Variants in USP46 observed in about 807,000 individuals in gnomAD.
USP46 encodes the protein ubiquitin specific peptidase 46, also known as ubiquitin carboxyl-terminal hydrolase 46.
A neutral mutation model predicts 44.4 loss-of-function variants in USP46; 12 were observed. That is an observed-to-expected ratio of 0.27 (90% CI 0.17 to 0.44). USP46 has a LOEUF of 0.44. Ranked by LOEUF, USP46 falls within the 20% of genes least tolerant of loss-of-function variation. USP46 has a pLI of 1.00. For missense variants in USP46, 248 were observed against 444.8 expected (o/e 0.56, Z 3.98); for synonymous variants, 155 against 161.5 (o/e 0.96, Z 0.31).
chr4:52,639,529 C>T (rs990298439), intron 1 of USP46, among the ~76,000 whole-genome samples: 2 of 152,126 alleles, frequency 1.3e-5, no homozygotes, highest in South Asian at 4.1e-4. Context: ...TGGGAAAGGA[C>T]TGATCCTCCT....
At position 52,659,040 on chromosome 4, in the gene USP46, T is replaced by A; in HGVS notation, c.36+75A>T. On this transcript the variant is annotated intron_variant, in intron 1 of 8. Transcript: ENST00000441222. The surrounding 1 kb of genome is among the most constrained non-coding windows in gnomAD (Gnocchi z 4.2). Reference sequence around the variant, plus strand: ...CCCCCGCCGCCCCAGCCACCGGGCGTGTGTGCAGCTCGGGCTTCCCTTTCT... The same window carrying A: ...CCCCCGCCGCCCCAGCCACCGGGCGAGTGTGCAGCTCGGGCTTCCCTTTCT... 6.8e-7 allele frequency: 1 copy of A among 1,464,574 alleles called. No individual in the cohort carries two copies. Among genetic ancestry groups the A allele is most frequent in the Non-Finnish European group, 9.1e-7 (1 of 1,098,646 alleles). The allele number at this position is 1,464,574 out of a possible 1,614,324, so 90.7% of individuals were successfully genotyped here. A position where few individuals can be genotyped will look rare whatever the true frequency, so the allele number is the denominator to read the frequency against.
chr4:52,640,946 G>A (rs1232020589), intron 1 of USP46, among the ~76,000 whole-genome samples: 2 of 149,830 alleles, frequency 1.3e-5, no homozygotes, highest in East Asian at 3.9e-4. Context: ...TTACCACTAT[G>A]AAATGCCTTT....
chr4:52,625,889 C>G, intron 4 of USP46, 129 bp downstream of exon 4: 1 of 945,696 alleles, frequency 1.1e-6, no homozygotes, highest in East Asian at 2.7e-5. Context: ...GTTTCATATG[C>G]ATAAATAGGA....
At chr4:52,632,934 A>G (rs1018121713) in intron 1 of USP46, among the ~76,000 whole-genome samples, 1 of 67,198 alleles carries the variant, frequency 1.5e-5, no homozygotes, top group African/African-American at 7.5e-5. Flanking sequence ...GAAAGAAAGA[A>G]AGAAAGAAAG....
intron 7 of USP46, 88 bp downstream of exon 7, chr4:52,601,769 G>A (rs528126621): frequency 2.5e-5 from 34 of 1,372,662 alleles, no homozygotes; most frequent in Middle Eastern, 2.7e-4. Flanking sequence ...TGAGTGCCAC[G>A]GCCCAGGAAA....
intron 3 of USP46, among the ~76,000 whole-genome samples, chr4:52,627,042 T>C (rs1298433285): frequency 6.6e-6 from 1 of 152,186 alleles, no homozygotes; most frequent in African/African-American, 2.4e-5. Context: ...ATCTATCTGA[T>C]AGTGTTCCGA....
intron 1 of USP46, chr4:52,650,891 G>C (rs1232010373): frequency 1.3e-5 from 2 of 152,132 alleles, no homozygotes; most frequent in African/African-American, 2.4e-5. Context: ...GAGGTCAAGA[G>C]ATCAAGACCA....
At chr4:52,634,119 C>CTT (rs778051273) in intron 1 of USP46, among the ~76,000 whole-genome samples, 3 of 144,506 alleles carry the variant, frequency 2.1e-5, no homozygotes, top group Non-Finnish European at 3.1e-5. Context: ...TGTCTTTTTT[C>CTT]TTTTTTTTTT....
chr4:52,633,823 A>C lies in USP46; in HGVS notation c.37-2679T>G, dbSNP rs554871548. Among the ~76,000 whole-genome samples, 8 of 152,304 alleles carry C rather than the reference A, an allele frequency of 5.3e-5. No homozygotes were observed. In the East Asian group the frequency reaches 1.4e-3, roughly 26 times the overall value. On this transcript the variant is annotated intron_variant, in intron 1 of 8. Coordinates refer to ENST00000441222, the MANE Select transcript of USP46 (RefSeq NM_022832.4). Reference sequence around the variant, plus strand: ...ACCCAGGGGTCAGTGTTCAAGAGAAATATGCTGGAGACAGAGGCCTGGCCC... The same window carrying C: ...ACCCAGGGGTCAGTGTTCAAGAGAACTATGCTGGAGACAGAGGCCTGGCCC...
At chr4:52,610,724 T>A in intron 4 of USP46, 107 bp from the exon 5 acceptor site, 1 of 1,040,174 alleles carries the variant, frequency 9.6e-7, no homozygotes, top group Non-Finnish European at 1.4e-6. Flanking sequence ...TAACTGCAGT[T>A]AAAGTCCTGC....
chr4:52,622,382 C>G (rs1371788022), intron 4 of USP46, among the ~76,000 whole-genome samples: 2 of 152,090 alleles, frequency 1.3e-5, no homozygotes, highest in African/African-American at 4.8e-5. Flanking sequence ...TCAAGACTTA[C>G]CAGTCTAGAC....
Position 52,606,942 on chromosome 4 carries a change from T to C in USP46, c.639-2358A>G, listed in dbSNP as rs180948168. 1.2e-4 allele frequency among the ~76,000 whole-genome samples: 19 copies of C among 152,258 alleles called. No homozygotes were observed. In the East Asian group the frequency reaches 2.7e-3, roughly 22 times the overall value. ...ATTGAGTAAGTGCTGTGGAATCTTG[T>C]TTTGGCTGCATGGGATTGACTGGAG... On this transcript the variant is annotated intron_variant, in intron 5 of 8. Coordinates refer to ENST00000441222, the MANE Select transcript of USP46 (RefSeq NM_022832.4).
At position 52,593,328 on chromosome 4, in the gene USP46, C is replaced by T. The variant is rs960104265; in HGVS notation, c.*4312G>A. 2.4e-5 allele frequency: 4 copies of T among 167,056 alleles called. No homozygotes were observed. The highest frequency in any genetic ancestry group is 5.1e-5 in the Non-Finnish European group (4 of 77,878). The allele number at this position is 167,056 out of a possible 1,614,324, so 10.3% of individuals were successfully genotyped here. ...GAAGGTCTTCTCTGCCTTTGGCCTTCGTGGCAGACAGAAGTGACCTTCCCA... is the reference window on the plus strand; with the variant it reads ...GAAGGTCTTCTCTGCCTTTGGCCTTTGTGGCAGACAGAAGTGACCTTCCCA... On this transcript the variant is annotated 3_prime_UTR_variant, in exon 9 of 9. Coordinates refer to ENST00000441222, the MANE Select transcript of USP46 (RefSeq NM_022832.4).
In USP46 at chr4:52,591,463, C is replaced by T. The variant is rs563186689; in HGVS notation, c.*6177G>A. 6.6e-6 allele frequency: 1 copy of T among 152,352 alleles called. No homozygotes were observed. Among genetic ancestry groups the T allele is most frequent in the South Asian group, 2.1e-4 (1 of 4,828 alleles). 9.4% of individuals were successfully genotyped at this position (152,352 alleles called of 1,614,324 possible). On this transcript the variant is annotated 3_prime_UTR_variant, in exon 9 of 9. Transcript: ENST00000441222. ...AGAAGAGCTTCTGTAGAATTCCACACTGCCTTAAGCACAACCTCACTCTTT... is the reference window on the plus strand; with the variant it reads ...AGAAGAGCTTCTGTAGAATTCCACATTGCCTTAAGCACAACCTCACTCTTT...
chr4:52,618,634 G>A (rs755084877), intron 4 of USP46, among the ~76,000 whole-genome samples: 13 of 152,164 alleles, frequency 8.5e-5, no homozygotes, highest in Non-Finnish European at 1.9e-4. Context: ...GGGTTCAGTA[G>A]AAAAGGTGAT....
At chr4:52,658,203 A>G (rs568501521) in intron 1 of USP46, 32 of 455,760 alleles carry the variant, frequency 7.0e-5, no homozygotes, top group South Asian at 4.6e-4. Context: ...CCTTACTCCA[A>G]TCTGAGCTCC....
At chr4:52,623,816 C>T (rs772880898) in intron 4 of USP46, among the ~76,000 whole-genome samples, 52 of 152,046 alleles carry the variant, frequency 3.4e-4, no homozygotes, top group Non-Finnish European at 5.4e-4. Context: ...ATCCCAGCTC[C>T]TGCTTAGGCA....
intron 1 of USP46, among the ~76,000 whole-genome samples, chr4:52,633,002 GAAAGAAAGAAAGAAAGAAAGAAAGAAAA>G (rs1560406337): frequency 6.8e-5 from 8 of 117,058 alleles, no homozygotes; most frequent in African/African-American, 3.0e-4. Flanking sequence ...AAGAAAGAAA[GAAAGAAAGAAAGAAAGAAAGAAAGAAAA>G]AGAAAGGTAA....
At chr4:52,630,824 C>G (rs1279385644) in intron 2 of USP46, among the ~76,000 whole-genome samples, 4 of 151,754 alleles carry the variant, frequency 2.6e-5, no homozygotes, top group Non-Finnish European at 1.5e-5. Flanking sequence ...AAGGAAATTC[C>G]TTAAAGCATG....
Sources: allele counts gnomAD v4.1 joint callset (sites outside exome capture counted in the v4.1 genomes callset), GRCh38; gene constraint gnomAD v4.1.1; non-coding constraint Gnocchi (gnomAD v3.1); transcripts MANE v1.5; gene names NCBI Gene and HGNC (gene_info 2026-07-23, HGNC 2026-07-21).